NBEA: variants seen among roughly 807,000 people sequenced by gnomAD.
NBEA encodes the protein lysosomal-trafficking regulator 2.
A neutral mutation model predicts 343.4 loss-of-function variants in NBEA; 44 were observed. The ratio of observed to expected loss-of-function variants is 0.13; its 90% CI spans 0.10 to 0.16. NBEA has a LOEUF of 0.16. Ranked by LOEUF, NBEA falls within the 10% of genes least tolerant of loss-of-function variation. The pLI is 1.00. For synonymous variants in NBEA, 1,175 were observed against 1,238.7 expected, an observed-to-expected ratio of 0.95 and a Z score of 1.08; for missense variants, 2,555 against 3,631.3, an observed-to-expected ratio of 0.70 and a Z score of 7.62.
At chr13:35,229,168 T>A (rs758174498) in intron 33 of NBEA, among the ~76,000 whole-genome samples, 4 of 152,030 alleles carry the variant, frequency 2.6e-5, no homozygotes, top group Non-Finnish European at 5.9e-5. Flanking sequence ...GTAGCTAGGA[T>A]CACAGGCACC....
intron 58 of NBEA, among the ~76,000 whole-genome samples, chr13:35,670,568 A>G (rs550847062): frequency 1.1e-3 from 161 of 152,366 alleles, no homozygotes; most frequent in African/African-American, 3.6e-3. Flanking sequence ...AGAAGCCAAT[A>G]GATGCCCAAA....
At chr13:34,975,687 C>T (rs911597149) in intron 1 of NBEA, among the ~76,000 whole-genome samples, 1 of 151,944 alleles carries the variant, frequency 6.6e-6, no homozygotes, top group Non-Finnish European at 1.5e-5. Context: ...ATACATCCAA[C>T]AAAGGACTAA....
chr13:35,263,834 C>G (rs776647819), intron 34 of NBEA, among the ~76,000 whole-genome samples: 1 of 151,750 alleles, frequency 6.6e-6, no homozygotes, highest in Non-Finnish European at 1.5e-5. Context: ...GAAGAAAGAT[C>G]TCACACAACC....
chr13:35,489,942 G>A (rs1255270281), intron 41 of NBEA, among the ~76,000 whole-genome samples: 3 of 151,812 alleles, frequency 2.0e-5, no homozygotes, highest in Non-Finnish European at 4.4e-5. Flanking sequence ...CATTAACCTG[G>A]CTTCACTGTC....
At position 35,628,292 on chromosome 13, in the gene NBEA, C is replaced by T. The variant is rs186724659; in HGVS notation, c.7617+44C>T. The T allele has an allele frequency of 2.9e-4, 402 of 1,363,700 alleles. 2 individuals are homozygous for T. In the African/African-American group the frequency reaches 4.1e-3, roughly 14 times the overall value. 84.5% of individuals were successfully genotyped at this position (1,363,700 alleles called of 1,614,324 possible). A position where few individuals can be genotyped will look rare whatever the true frequency, so the allele number is the denominator to read the frequency against. ...ATTATTCCAAAAATTTCTGTCATCT[C>T]TCAAACACAAATTTGACATTTCATC... On this transcript the variant is annotated intron_variant, in intron 49 of 58. Transcript: ENST00000379939.
chr13:35,348,074 C>G (rs9593131), intron 36 of NBEA, among the ~76,000 whole-genome samples: 8,730 of 152,154 alleles, frequency 0.057, 301 homozygotes, highest in African/African-American at 0.088. Context: ...AGTCCAGATC[C>G]ACAAGGAGTA....
chr13:35,407,182 C>A (rs1296489784), intron 38 of NBEA, among the ~76,000 whole-genome samples: 1 of 151,532 alleles, frequency 6.6e-6, no homozygotes. Context: ...CCAGGCTGGT[C>A]TCGAACTCCT....
intron 47 of NBEA, among the ~76,000 whole-genome samples, chr13:35,594,992 A>ACAC (rs35174924): frequency 0.077 from 10,044 of 130,554 alleles, 467 homozygotes; most frequent in African/African-American, 0.15. Context: ...CACACACACA[A>ACAC]ATTGGCTTTT....
At chr13:35,215,289 A>T (rs1375786915) in intron 33 of NBEA, among the ~76,000 whole-genome samples, 1 of 151,564 alleles carries the variant, frequency 6.6e-6, no homozygotes, top group East Asian at 1.9e-4. Flanking sequence ...ATTCATTGGG[A>T]TCTTTAATTT....
intron 37 of NBEA, 149 bp from the exon 38 acceptor site, chr13:35,352,008 A>G: frequency 2.4e-6 from 1 of 413,180 alleles, no homozygotes; most frequent in Admixed American, 4.4e-5. Context: ...AGGTGACTAT[A>G]TGTATTCTTT....
chr13:35,171,551 A>T, intron 26 of NBEA, 99 bp downstream of exon 26: 1 of 903,836 alleles, frequency 1.1e-6, no homozygotes, highest in African/African-American at 1.7e-5. Flanking sequence ...TAAGTTGATG[A>T]TTATATAATA....
intron 41 of NBEA, among the ~76,000 whole-genome samples, chr13:35,512,755 G>A (rs576451101): frequency 6.6e-6 from 1 of 152,242 alleles, no homozygotes; most frequent in African/African-American, 2.4e-5. Context: ...TTTTTAGTCA[G>A]GCCAAACCAC....
chr13:35,466,632 T>G (rs1874157175), intron 40 of NBEA, among the ~76,000 whole-genome samples: 1 of 152,200 alleles, frequency 6.6e-6, no homozygotes, highest in African/African-American at 2.4e-5. Context: ...CAAACCCAGC[T>G]AATTTTTTAA....
rs1255615877 is a variant in NBEA at position 35,157,066 on chromosome 13, T to G, written c.2652-12T>G. 6.6e-7 allele frequency: 1 copy of G among 1,515,048 alleles called. No individual in the cohort carries two copies. The highest frequency in any genetic ancestry group is 1.4e-5 in the South Asian group (1 of 73,660). 93.9% of individuals were successfully genotyped at this position (1,515,048 alleles called of 1,614,324 possible). A position where few individuals can be genotyped will look rare whatever the true frequency, so the allele number is the denominator to read the frequency against. ...GGATATTTTTAATGAGATCAAATTTTTTTCTCCCTAGATGCTTATTGCAGT... is the reference window on the plus strand; with the variant it reads ...GGATATTTTTAATGAGATCAAATTTGTTTCTCCCTAGATGCTTATTGCAGT... On this transcript the variant is annotated splice_polypyrimidine_tract_variant and intron_variant, in intron 20 of 58. Transcript: ENST00000379939.
At chr13:34,991,827 T>A (rs2060759600) in intron 1 of NBEA, among the ~76,000 whole-genome samples, 1 of 152,192 alleles carries the variant, frequency 6.6e-6, no homozygotes, top group Non-Finnish European at 1.5e-5. Context: ...AAAAGCACTT[T>A]TAAAAAACAT....
chr13:35,008,868 C>T (rs571346953), intron 1 of NBEA, among the ~76,000 whole-genome samples: 1 of 152,248 alleles, frequency 6.6e-6, no homozygotes, highest in Non-Finnish European at 1.5e-5. Flanking sequence ...TCTGTGAACC[C>T]TAGCTTTGTC....
chr13:35,045,427 TTTTA>T, intron 4 of NBEA, 26 bp downstream of exon 4: 1 of 1,513,688 alleles, frequency 6.6e-7, no homozygotes, highest in African/African-American at 1.4e-5. Context: ...ATGTGCTGAT[TTTTA>T]TTTATTTATT....
intron 1 of NBEA, among the ~76,000 whole-genome samples, chr13:34,960,729 C>T (rs1017416270): frequency 1.3e-5 from 2 of 152,112 alleles, no homozygotes; most frequent in Admixed American, 1.3e-4. Context: ...TGGGCCATAC[C>T]ATAGAGCCTA....
chr13:35,199,799 C>A (rs1209268947), intron 31 of NBEA, among the ~76,000 whole-genome samples: 1 of 152,018 alleles, frequency 6.6e-6, no homozygotes, highest in East Asian at 1.9e-4. Flanking sequence ...TTAAAATAAA[C>A]CTTTTTTCTT....
Sources: allele counts gnomAD v4.1 joint callset (sites outside exome capture counted in the v4.1 genomes callset), GRCh38; gene constraint gnomAD v4.1.1; transcripts MANE v1.5; gene names NCBI Gene and HGNC (gene_info 2026-07-23, HGNC 2026-07-21).